The following RBFOX1 variants were observed in gnomAD, a reference collection of about 807,000 sequenced individuals.
RBFOX1 encodes RNA binding protein fox-1 homolog 1.
RBFOX1 carries 8 observed loss-of-function variants against 57.7 expected under a neutral mutation model. That is an observed-to-expected ratio of 0.14 (90% CI 0.08 to 0.25). The LOEUF (loss-of-function observed/expected upper bound fraction) is 0.25, where lower values mean the gene tolerates loss of function less well. Among genes scored for constraint, RBFOX1 ranks in the 10% least tolerant of loss-of-function variants. RBFOX1 has a pLI of 1.00. For missense variants in RBFOX1, 611 were observed against 548.5 expected, an observed-to-expected ratio of 1.11 and a Z score of -1.14; for synonymous variants, 326 against 222.4, an observed-to-expected ratio of 1.47 and a Z score of -4.15.
intron 2 of RBFOX1, among the ~76,000 whole-genome samples, chr16:5,534,466 G>A (rs2044615538): frequency 6.6e-6 from 1 of 152,176 alleles, no homozygotes; most frequent in African/African-American, 2.4e-5. Context: ...GGTGGAAGGT[G>A]CGAGAGACCC....
chr16:7,669,141 A>G (rs968198768), intron 13 of RBFOX1, among the ~76,000 whole-genome samples: 13 of 152,222 alleles, frequency 8.5e-5, no homozygotes, highest in Admixed American at 6.5e-4. Context: ...TGACTTCAAG[A>G]GATCCACCTG....
At position 7,218,087 on chromosome 16, in the gene RBFOX1, G is replaced by C. The variant is rs952535956; in HGVS notation, c.27+165989G>C. ...CGTGTGTGTGTGTGCGTCTGTGTGT[G>C]TGTGTGTGTGCCCCTGAGTAGAGCT... is the stretch of plus-strand genomic sequence containing the variant. On this transcript the variant is annotated intron_variant, in intron 4 of 15. Transcript: ENST00000550418. Among the ~76,000 whole-genome samples the C allele has an allele frequency of 4.6e-5, 7 of 152,172 alleles. No homozygotes were observed. The East Asian group carries it at 1.4e-3, about 29-fold the overall frequency.
chr16:5,992,301 A>T (rs1001679126), intron 4 of RBFOX1, among the ~76,000 whole-genome samples: 2 of 152,044 alleles, frequency 1.3e-5, no homozygotes, highest in African/African-American at 2.4e-5. Context: ...ATAGATAGGG[A>T]AAAAAAGGTT....
intron 3 of RBFOX1, among the ~76,000 whole-genome samples, chr16:6,927,739 G>A (rs2075858952): frequency 6.6e-6 from 1 of 152,034 alleles, no homozygotes; most frequent in Non-Finnish European, 1.5e-5. Context: ...AGTGCCCTAT[G>A]TAAGGCCTGG....
chr16:5,508,534 C>G (rs1432473789), intron 2 of RBFOX1, among the ~76,000 whole-genome samples: 1 of 152,142 alleles, frequency 6.6e-6, no homozygotes, highest in Non-Finnish European at 1.5e-5. Flanking sequence ...GGAGATTGCA[C>G]AGAGTGATTG....
intron 4 of RBFOX1, among the ~76,000 whole-genome samples, chr16:7,149,181 C>T (rs1481744058): frequency 6.6e-6 from 1 of 151,940 alleles, no homozygotes; most frequent in African/African-American, 2.4e-5. Flanking sequence ...TTCCCCAATT[C>T]TCCTCCTTCA....
chr16:7,543,337 G>T (rs2083466204), intron 5 of RBFOX1, among the ~76,000 whole-genome samples: 2 of 152,150 alleles, frequency 1.3e-5, no homozygotes, highest in Non-Finnish European at 2.9e-5. Context: ...TCAGATTCTG[G>T]GAGATATTTG....
chr16:6,178,365 A>C (rs2097031702), intron 1 of RBFOX1, among the ~76,000 whole-genome samples: 1 of 151,410 alleles, frequency 6.6e-6, no homozygotes, highest in Non-Finnish European at 1.5e-5. Context: ...TGGTATTTTT[A>C]GTATAGATGG....
intron 4 of RBFOX1, among the ~76,000 whole-genome samples, chr16:5,966,488 TACTC>T (rs755821809): frequency 2.0e-5 from 3 of 152,134 alleles, no homozygotes; most frequent in Non-Finnish European, 2.9e-5. Context: ...GGTAGAGTCT[TACTC>T]AGTCCCCCAG....
chr16:7,022,201 C>G (rs1476617213), intron 3 of RBFOX1, among the ~76,000 whole-genome samples: 1 of 150,156 alleles, frequency 6.7e-6, no homozygotes, highest in Non-Finnish European at 1.5e-5. Context: ...GTAGCTGGGA[C>G]TACAGACACA....
chr16:6,827,577 C>T (rs573912415), intron 3 of RBFOX1, among the ~76,000 whole-genome samples: 33 of 152,262 alleles, frequency 2.2e-4, no homozygotes, highest in Admixed American at 8.5e-4. Flanking sequence ...AACTGAAATC[C>T]GTCTCAGAGG....
intron 1 of RBFOX1, 99 bp downstream of exon 1, chr16:6,020,091 GCCT>G: frequency 1.6e-6 from 2 of 1,287,190 alleles, no homozygotes; most frequent in Non-Finnish European, 2.0e-6. Flanking sequence ...CCGAGAACTG[GCCT>G]CCTCCTAGCG....
chr16:7,231,218 T>G (rs575389123), intron 4 of RBFOX1, among the ~76,000 whole-genome samples: 4 of 152,318 alleles, frequency 2.6e-5, no homozygotes, highest in Admixed American at 1.3e-4. Context: ...AGAATACGCT[T>G]GTTTATGTGT....
intron 1 of RBFOX1, among the ~76,000 whole-genome samples, chr16:5,411,645 G>A (rs190958838): frequency 1.2e-4 from 18 of 152,226 alleles, no homozygotes; most frequent in Admixed American, 3.3e-4. Context: ...TGACACTGTG[G>A]TCCCAAGACT....
At chr16:7,000,819 C>T (rs186003801) in intron 3 of RBFOX1, among the ~76,000 whole-genome samples, 115 of 151,970 alleles carry the variant, frequency 7.6e-4, no homozygotes, top group African/African-American at 2.7e-3. Flanking sequence ...AGCCAGGATG[C>T]TCTCGATCTC....
chr16:6,618,941 A>C (rs768739237), intron 2 of RBFOX1, among the ~76,000 whole-genome samples: 1 of 152,186 alleles, frequency 6.6e-6, no homozygotes, highest in African/African-American at 2.4e-5. Flanking sequence ...TAGGGTGAAA[A>C]CACATCACAG....
At chr16:6,668,437 C>G (rs778591279) in intron 3 of RBFOX1, among the ~76,000 whole-genome samples, 23 of 152,306 alleles carry the variant, frequency 1.5e-4, no homozygotes, top group Middle Eastern at 3.4e-3. Flanking sequence ...AAAGATGCTT[C>G]TGTTCTTAGG....
chr16:7,486,451 C>T (rs996461525), intron 4 of RBFOX1, among the ~76,000 whole-genome samples: 4 of 151,958 alleles, frequency 2.6e-5, no homozygotes, highest in South Asian at 2.1e-4. Flanking sequence ...GTCTTTTCTA[C>T]GTGGACAGTT....
intron 4 of RBFOX1, among the ~76,000 whole-genome samples, chr16:7,221,979 C>T (rs2092765190): frequency 6.6e-6 from 1 of 152,180 alleles, no homozygotes; most frequent in African/African-American, 2.4e-5. Context: ...TGTGATAGAA[C>T]AGGAGAGAGG....
Sources: allele counts gnomAD v4.1 joint callset (sites outside exome capture counted in the v4.1 genomes callset), GRCh38; gene constraint gnomAD v4.1.1; transcripts MANE v1.5; gene names NCBI Gene and HGNC (gene_info 2026-07-23, HGNC 2026-07-21).